SLC4A2: variants seen among roughly 807,000 people sequenced by gnomAD.
SLC4A2 encodes the protein anion exchange protein 2.
In SLC4A2, 36 loss-of-function variants were observed where a neutral mutation model predicts 115.0. The ratio of observed to expected loss-of-function variants is 0.31; its 90% confidence interval spans 0.24 to 0.41. The LOEUF (loss-of-function observed/expected upper bound fraction) is 0.41. Among genes scored for constraint, SLC4A2 ranks in the 10% least tolerant of loss-of-function variants. SLC4A2 has a pLI of 1.00. For missense variants in SLC4A2, 1,252 were observed against 1,705.6 expected (o/e 0.73, Z 4.68); for synonymous variants, 708 against 708.3 (o/e 1.00, Z 0.01).
In SLC4A2 at chr7:151,070,046, G is replaced by C. The variant is rs777213196; in HGVS notation, c.1247G>C (p.Arg416Thr). ...VISDQIKAEDRANVLRALLLK... is the reference protein window; with the variant it reads ...VISDQIKAEDTANVLRALLLK... Reference sequence around the variant, plus strand: ...TCTGACCAGATCAAGGCCGAGGACAGGGCCAACGTGCTGCGGGCTCTGCTG... The same window carrying C: ...TCTGACCAGATCAAGGCCGAGGACACGGCCAACGTGCTGCGGGCTCTGCTG... The change falls in exon 9 of 23, where the codon AGG (arginine) becomes ACG (threonine). Residue 416 changes from arginine to threonine, a missense_variant. By Grantham distance (71) the Arg-to-Thr change is moderately conservative. This residue lies in a region of SLC4A2 where 142 missense variants were observed against 153.5 expected (regional missense o/e 0.93). Coordinates refer to ENST00000413384, the MANE Select transcript of SLC4A2 (RefSeq NM_003040.4). The C allele has an allele frequency of 6.2e-7, 1 of 1,614,150 alleles. No individual in the cohort carries two copies. Among genetic ancestry groups the C allele is most frequent in the African/African-American group, 1.3e-5 (1 of 75,064 alleles).
rs771810251 is a variant in SLC4A2, at chr7:151,075,242, CT to C, written c.3048-12del. On this transcript the variant is annotated splice_polypyrimidine_tract_variant and intron_variant, in intron 19 of 22. Coordinates refer to ENST00000413384, the MANE Select transcript of SLC4A2 (RefSeq NM_003040.4). ...TCCAGCCTGGGCCTCAGCAGCACCC[CT>C]CCCGCTCTCAGGCTCATCATCTCCA... 3 of 1,611,966 alleles carry C rather than the reference CT, an allele frequency of 1.9e-6. No individual in the cohort carries two copies. Among genetic ancestry groups the C allele is most frequent in the South Asian group, 1.1e-5 (1 of 91,040 alleles).
chr7:151,062,932 TC>T, intron 2 of SLC4A2: 5 of 1,403,532 alleles, frequency 3.6e-6, no homozygotes, highest in Non-Finnish European at 4.6e-6. Context: ...CCCGCGCTCT[TC>T]CTTGTTCTGG....
Position 151,071,804 on chromosome 7 carries a change from G to A in SLC4A2, c.2307G>A (p.Gly769=). The A allele has an allele frequency of 6.2e-7, 1 of 1,610,096 alleles. No individual in the cohort carries two copies. The highest frequency in any genetic ancestry group is 1.1e-5 in the South Asian group (1 of 90,910). ...AQPLLVIGFS[G]PLLVFEEAFF... ...CCCTGTTGGTGATCGGCTTCTCAGG[G>A]CCCCTGCTGGTCTTTGAGGAGGCCT... The change falls in exon 15 of 23, where the codon GGG becomes GGA. Residue 769 remains glycine, a synonymous_variant. Coordinates refer to ENST00000413384, the MANE Select transcript of SLC4A2 (RefSeq NM_003040.4). This position sits in a 1 kb window ranked among gnomAD's most constrained non-coding sequence, Gnocchi z 5.5.
At chr7:151,074,557 G>A in intron 18 of SLC4A2, 69 bp downstream of exon 18, 2 of 1,595,654 alleles carry the variant, frequency 1.3e-6, no homozygotes, top group Non-Finnish European at 1.7e-6. Context: ...TTCCCCTCCA[G>A]CCTCCAAACC....
At chr7:151,062,462 C>A in intron 2 of SLC4A2, 2 of 1,198,954 alleles carry the variant, frequency 1.7e-6, no homozygotes, top group Admixed American at 3.4e-5. Flanking sequence ...CCCCTCCCTG[C>A]CCCCACGTGG....
At chr7:151,062,575 A>C in intron 2 of SLC4A2, 1 of 1,462,316 alleles carries the variant, frequency 6.8e-7, no homozygotes, top group East Asian at 2.6e-5. Context: ...CCAGAGGGGC[A>C]CGTGACTGGG....
chr7:151,074,653 C>T, intron 18 of SLC4A2, 22 bp from the exon 19 acceptor site: 1 of 1,588,702 alleles, frequency 6.3e-7, no homozygotes, highest in South Asian at 1.1e-5. Context: ...ACCCTTGTCC[C>T]TACACTGTGT....
intron 19 of SLC4A2, 148 bp downstream of exon 19, chr7:151,074,989 A>T (rs1457706277): frequency 1.1e-6 from 1 of 932,872 alleles, no homozygotes; most frequent in East Asian, 2.6e-5. Flanking sequence ...TTCTGTAGAC[A>T]GCAGAAAAAC....
Position 151,071,886 on chromosome 7 carries a change from C to T in SLC4A2, c.2340+49C>T, listed in dbSNP as rs34762230. On this transcript the variant is annotated intron_variant, in intron 15 of 22. Transcript: ENST00000413384. The surrounding 1 kb of genome is among the most constrained non-coding windows in gnomAD (Gnocchi z 5.5). The stretch of plus-strand genomic sequence containing the variant: ...CCAGCCGCCCCTCCCGTGCCCTAGA[C>T]ACCTCCCCACAGCATCCCCACCCAG... The T allele has an allele frequency of 0.032, 51,748 of 1,606,164 alleles. 1,476 individuals carry two copies. The highest frequency in any genetic ancestry group is 0.15 in the African/African-American group (11,020 of 74,582).
chr7:151,070,240 G>T lies in SLC4A2; in HGVS notation c.1343G>T (p.Gly448Val). Residue 448 changes from glycine (G) to valine (V), a missense_variant, in exon 10 of 23, where the codon GGC becomes GTC. Around this residue, in one of 14 missense-constraint regions of SLC4A2, gnomAD observed 142 missense variants for 153.5 expected, o/e 0.93. Coordinates refer to ENST00000413384, the MANE Select transcript of SLC4A2 (RefSeq NM_003040.4). Reference sequence around the variant, plus strand: ...CGCAACATCTCAGCTGGCTCCCTGGGCTCCCTGCTGGGGCATCACCATGGT... The same window carrying T: ...CGCAACATCTCAGCTGGCTCCCTGGTCTCCCTGCTGGGGCATCACCATGGT... ...FPRNISAGSL[G>V]SLLGHHHGQG... The T allele has an allele frequency of 6.2e-7, 1 of 1,614,088 alleles. No homozygotes were observed. Among genetic ancestry groups the T allele is most frequent in the Admixed American group, 1.7e-5 (1 of 60,034 alleles).
In SLC4A2 at chr7:151,070,085, G is replaced by A; in HGVS notation, c.1283+3G>A. 1 of 1,613,978 alleles carries A rather than the reference G, an allele frequency of 6.2e-7. No homozygotes were observed. The highest frequency in any genetic ancestry group is 1.1e-5 in the South Asian group (1 of 91,090). ...CGGGCTCTGCTGTTGAAACACAGGT[G>A]AGGCCCTGTGGGCCAGTTGGGGATG... On this transcript the variant is annotated splice_donor_region_variant and intron_variant, in intron 9 of 22. Transcript: ENST00000413384.
In SLC4A2 at chr7:151,075,408, GCTCA is replaced by G. The variant is rs1797590155; in HGVS notation, c.3204_3207del (p.Thr1069SerfsTer2). On this transcript the variant is annotated frameshift_variant, in exon 20 of 23. Coordinates refer to ENST00000413384, the MANE Select transcript of SLC4A2 (RefSeq NM_003040.4). LOFTEE classifies it high-confidence loss of function. Reference sequence around the variant, plus strand: ...TCCGCTCTGTCACTCACGCCAACGCGCTCACTGTCATGAGCAAGGCTGTGGCACC... The same window carrying G: ...TCCGCTCTGTCACTCACGCCAACGCGCTGTCATGAGCAAGGCTGTGGCACC... 1.9e-6 allele frequency: 3 copies of G among 1,608,914 alleles called. No individual in the cohort carries two copies. Among genetic ancestry groups the G allele is most frequent in the Non-Finnish European group, 2.5e-6 (3 of 1,180,006 alleles).
At chr7:151,059,531 C>CCCCCTCCCGCCT (rs1554449481), upstream of SLC4A2, 3 of 150,610 alleles carry the variant, frequency 2.0e-5, no homozygotes, top group African/African-American at 4.9e-5. The surrounding 1 kb of genome is among the most constrained non-coding windows in gnomAD (Gnocchi z 5.8). Context: ...CGCCCCGGCC[C>CCCCCTCCCGCCT]CCGCTCCCGC....
chr7:151,076,213 G>GCAAGCCC (rs1797632682), intron 22 of SLC4A2, 27 bp downstream of exon 22: 1 of 1,609,258 alleles, frequency 6.2e-7, no homozygotes, highest in Admixed American at 1.7e-5. Context: ...GCCTCCCCCG[G>GCAAGCCC]TTCCTCTTGC....
chr7:151,065,118 A>G, intron 5 of SLC4A2, 152 bp downstream of exon 5: 1 of 646,718 alleles, frequency 1.5e-6, no homozygotes, highest in East Asian at 2.6e-5. Context: ...AACTTAATTA[A>G]GCTCTCCAAG....
intron 2 of SLC4A2, among the ~76,000 whole-genome samples, chr7:151,063,674 T>G (rs1326655042): frequency 6.6e-6 from 1 of 151,802 alleles, no homozygotes; most frequent in Non-Finnish European, 1.5e-5. Context: ...ACTGGCTTCC[T>G]GCATTTGAGG....
In SLC4A2 at chr7:151,076,010, C is replaced by T. The variant is rs971602642; in HGVS notation, c.3472-3C>T. ...GCTGGGCTCACCTGTCTCCGCCCCC[C>T]AGGTCCGGACCCTCCGTATGCACCT... is the stretch of plus-strand genomic sequence containing the variant. On this transcript the variant is annotated splice_polypyrimidine_tract_variant and splice_region_variant and intron_variant, in intron 21 of 22. Coordinates refer to ENST00000413384, the MANE Select transcript of SLC4A2 (RefSeq NM_003040.4). 3.8e-6 allele frequency: 6 copies of T among 1,582,150 alleles called. No individual in the cohort carries two copies. The highest frequency in any genetic ancestry group is 5.2e-6 in the Non-Finnish European group (6 of 1,162,990).
chr7:151,068,334 C>G (rs933836817), intron 8 of SLC4A2, among the ~76,000 whole-genome samples: 17 of 152,166 alleles, frequency 1.1e-4, no homozygotes, highest in Admixed American at 1.1e-3. Flanking sequence ...CTTAGAGATT[C>G]TGTGGAATGT....
chr7:151,067,828 T>C (rs758559246), intron 7 of SLC4A2, 46 bp from the exon 8 acceptor site: 1 of 1,571,642 alleles, frequency 6.4e-7, no homozygotes, highest in Admixed American at 1.8e-5. Context: ...ACCCCAGGGC[T>C]GCCTCCGGCT....
Sources: gnomAD v4.1 joint callset for allele counts (sites outside exome capture counted in the v4.1 genomes callset) on GRCh38, gnomAD v4.1.1 for gene constraint, gnomAD v4.1.1 regional missense constraint, Gnocchi (gnomAD v3.1) non-coding constraint, MANE v1.5 for transcripts, NCBI Gene and HGNC (gene_info 2026-07-23, HGNC 2026-07-21) for gene names.